CALN1: variants seen among roughly 807,000 people sequenced by gnomAD.
CALN1 encodes calneuron 1, also known as calcium-binding protein 8.
CALN1 carries 17 observed loss-of-function variants against 30.6 expected under a neutral mutation model. The observed-to-expected ratio is 0.56, with a 90% confidence interval of 0.38 to 0.83. CALN1 has a LOEUF of 0.83. CALN1 is among the 40% of genes least tolerant of loss of function. CALN1 has a pLI of 0.00. For missense variants in CALN1, 291 were observed against 354.9 expected (o/e 0.82, Z 1.45); for synonymous variants, 156 against 131.4 (o/e 1.19, Z -1.28).
chr7:72,410,569 C>A (rs971119892), intron 1 of CALN1, among the ~76,000 whole-genome samples: 4 of 152,176 alleles, frequency 2.6e-5, no homozygotes, highest in Admixed American at 1.3e-4. Context: ...CTTTTCAAAT[C>A]AGCTCAATTC....
At position 72,403,432 on chromosome 7, in the gene CALN1, G is replaced by A. The variant is rs1340632250; in HGVS notation, c.-63C>T. 4 of 1,319,276 alleles carry A rather than the reference G, an allele frequency of 3.0e-6. No homozygotes were observed. The highest frequency in any genetic ancestry group is 1.3e-5 in the South Asian group (1 of 75,922). The allele number at this position is 1,319,276 out of a possible 1,614,324, so 81.7% of individuals were successfully genotyped here. On this transcript the variant is annotated 5_prime_UTR_variant, in exon 2 of 7. Coordinates refer to ENST00000395275, the MANE Select transcript of CALN1 (RefSeq NM_031468.4). ...GCTCATCAAAGGAACGTCAGCGAAG[G>A]CACTGAGACTCTGAAAGGAGTTGAC...
chr7:71,842,886 T>C (rs1024351147), intron 5 of CALN1, among the ~76,000 whole-genome samples: 1 of 152,226 alleles, frequency 6.6e-6, no homozygotes, highest in Non-Finnish European at 1.5e-5. Flanking sequence ...TAGACTGTCA[T>C]ATTGCATTTT....
At chr7:72,272,540 C>T (rs566458304) in intron 3 of CALN1, among the ~76,000 whole-genome samples, 4 of 151,880 alleles carry the variant, frequency 2.6e-5, no homozygotes, top group Admixed American at 2.0e-4. Context: ...CCAGCCTAGG[C>T]GACAGAGCCA....
intron 5 of CALN1, among the ~76,000 whole-genome samples, chr7:71,819,744 A>G (rs887000659): frequency 1.3e-5 from 2 of 152,148 alleles, no homozygotes; most frequent in Middle Eastern, 6.3e-3. Flanking sequence ...AAGTGGAATC[A>G]TATGATATTT....
intron 2 of CALN1, among the ~76,000 whole-genome samples, chr7:72,310,197 C>A (rs1799947387): frequency 6.6e-6 from 1 of 151,732 alleles, no homozygotes; most frequent in Non-Finnish European, 1.5e-5. Flanking sequence ...GCCCCCTGAC[C>A]TAGTCCTGGC....
chr7:72,278,276 A>G (rs1276958172), intron 3 of CALN1, among the ~76,000 whole-genome samples: 1 of 152,234 alleles, frequency 6.6e-6, no homozygotes, highest in Non-Finnish European at 1.5e-5. Flanking sequence ...GTCAAGAGAC[A>G]GCCATTAACA....
chr7:72,212,314 C>T (rs975761934), intron 3 of CALN1, among the ~76,000 whole-genome samples: 2 of 146,440 alleles, frequency 1.4e-5, no homozygotes, highest in African/African-American at 2.5e-5. Context: ...TGTGGCACTG[C>T]ACTCCAGCCT....
At chr7:72,305,423 G>C (rs1366572062) in intron 2 of CALN1, among the ~76,000 whole-genome samples, 2 of 152,140 alleles carry the variant, frequency 1.3e-5, no homozygotes, top group African/African-American at 4.8e-5. Flanking sequence ...AATATGGAAG[G>C]ATTTAATTGT....
chr7:71,816,156 C>T (rs1202205886), intron 5 of CALN1, among the ~76,000 whole-genome samples: 1 of 151,978 alleles, frequency 6.6e-6, no homozygotes, highest in African/African-American at 2.4e-5. Context: ...CTTGCTTTAA[C>T]TGTGCACCTC....
intron 5 of CALN1, among the ~76,000 whole-genome samples, chr7:71,845,882 C>T (rs1414484198): frequency 2.0e-5 from 3 of 151,968 alleles, no homozygotes; most frequent in Non-Finnish European, 4.4e-5. Context: ...GGTGAAACCC[C>T]GTCTTTACTA....
rs118135990 is a variant in CALN1, at chr7:72,405,562, G to A, written c.-73-2120C>T. On this transcript the variant is annotated intron_variant, in intron 1 of 6. Transcript: ENST00000395275. ...TGTCCCCAGCAGCACACACCCGTAC[G>A]CCGCTCTCTTACACATGCCTATGAC... Among the ~76,000 whole-genome samples, 735 of 152,144 alleles carry A rather than the reference G, an allele frequency of 4.8e-3. 5 individuals are homozygous for A. The highest frequency in any genetic ancestry group is 0.01 in the Middle Eastern group (3 of 294).
In CALN1 at chr7:71,799,419, CTT is replaced by C. The variant is rs745957944; in HGVS notation, c.658+10915_658+10916del. Among the ~76,000 whole-genome samples the C allele has an allele frequency of 2.5e-4, 35 of 137,822 alleles. No individual in the cohort carries two copies. The East Asian group carries it at 7.5e-3, about 30-fold the overall frequency. The allele number at this position is 137,822 out of a possible 152,430, so 90.4% of individuals were successfully genotyped here. ...ATTTACACAAAACAGCTCTCTGGGT[CTT>C]TTTATTTATTTATTTATTTATTTAT... On this transcript the variant is annotated intron_variant, in intron 6 of 6. Transcript: ENST00000395275.
intron 2 of CALN1, among the ~76,000 whole-genome samples, chr7:72,400,410 T>G (rs1806261880): frequency 6.6e-6 from 1 of 152,178 alleles, no homozygotes; most frequent in Non-Finnish European, 1.5e-5. Flanking sequence ...CCAAGAGACT[T>G]AGCTTTCTCA....
intron 2 of CALN1, among the ~76,000 whole-genome samples, chr7:72,356,728 A>C (rs113318323): frequency 2.6e-5 from 4 of 152,182 alleles, no homozygotes; most frequent in African/African-American, 9.7e-5. Context: ...CATAGTAAAT[A>C]ATCAAAGAAC....
At chr7:72,324,181 T>G (rs1188459470) in intron 2 of CALN1, among the ~76,000 whole-genome samples, 1 of 152,140 alleles carries the variant, frequency 6.6e-6, no homozygotes, top group Non-Finnish European at 1.5e-5. Context: ...TCCTGGGATG[T>G]GATTAGAGCA....
At chr7:71,971,784 G>C (rs2129526339) in intron 5 of CALN1, among the ~76,000 whole-genome samples, 1 of 151,596 alleles carries the variant, frequency 6.6e-6, no homozygotes, top group Middle Eastern at 3.4e-3. Context: ...TCTGGTCCCA[G>C]CTACTCAGGA....
chr7:71,955,519 T>A (rs903756285), intron 5 of CALN1, among the ~76,000 whole-genome samples: 1 of 152,056 alleles, frequency 6.6e-6, no homozygotes, highest in Non-Finnish European at 1.5e-5. Flanking sequence ...ATTTAGAGAT[T>A]CCACACTTAA....
chr7:72,319,738 T>TGGTGAGGCTGG (rs1374997461), intron 2 of CALN1, among the ~76,000 whole-genome samples: 2 of 152,106 alleles, frequency 1.3e-5, no homozygotes, highest in African/African-American at 4.8e-5. Context: ...GGTAAATCTG[T>TGGTGAGGCTGG]GGTGAGGCTG....
chr7:72,279,623 C>A lies in CALN1; in HGVS notation c.120-813G>T, dbSNP rs186762036. On this transcript the variant is annotated intron_variant, in intron 2 of 6. Transcript: ENST00000395275. ...TGCAAGGCTGACTGGAGGCTCCAGG[C>A]TACGGAAAAAAGAGATGTGAGATAA... Among the ~76,000 whole-genome samples, 3 of 152,132 alleles carry A rather than the reference C, an allele frequency of 2.0e-5. No individual in the cohort carries two copies. The East Asian group carries it at 5.8e-4, about 29-fold the overall frequency.
Sources: allele counts gnomAD v4.1 joint callset (sites outside exome capture counted in the v4.1 genomes callset), GRCh38; gene constraint gnomAD v4.1.1; transcripts MANE v1.5; gene names NCBI Gene and HGNC (gene_info 2026-07-23, HGNC 2026-07-21).